AUTS2: variants seen among roughly 807,000 people sequenced by gnomAD.
AUTS2 encodes the protein activator of transcription and developmental regulator AUTS2.
AUTS2 carries 17 observed loss-of-function variants against 112.4 expected under a neutral mutation model. The observed-to-expected ratio is 0.15, with a 90% CI of 0.10 to 0.23. The LOEUF (loss-of-function observed/expected upper bound fraction) is 0.23. Ranked by LOEUF, AUTS2 falls within the 10% of genes least tolerant of loss-of-function variation. The probability of loss-of-function intolerance (pLI) is 1.00; values close to 1 mark genes in which losing one functional copy is unlikely to be tolerated. For synonymous variants in AUTS2, 751 were observed against 702.7 expected (o/e 1.07, Z -1.09); for missense variants, 1,510 against 1,701.6 (o/e 0.89, Z 1.98).
At chr7:69,948,913 C>A (rs917916682) in intron 2 of AUTS2, among the ~76,000 whole-genome samples, 3 of 152,004 alleles carry the variant, frequency 2.0e-5, no homozygotes, top group South Asian at 4.1e-4. Flanking sequence ...TCAAGTGATT[C>A]TCTTGCCTCA....
At chr7:69,837,516 G>A (rs759883462) in intron 1 of AUTS2, among the ~76,000 whole-genome samples, 9 of 152,080 alleles carry the variant, frequency 5.9e-5, no homozygotes, top group Non-Finnish European at 1.0e-4. Flanking sequence ...GTGCCCCACT[G>A]AGAGGAGTCT....
At chr7:70,515,928 T>G (rs1294194166) in intron 5 of AUTS2, among the ~76,000 whole-genome samples, 1 of 152,206 alleles carries the variant, frequency 6.6e-6, no homozygotes, top group Non-Finnish European at 1.5e-5. Flanking sequence ...GTTCAACTTA[T>G]CAGCCCTAAA....
At chr7:70,162,660 A>G (rs903037135) in intron 4 of AUTS2, among the ~76,000 whole-genome samples, 4 of 152,038 alleles carry the variant, frequency 2.6e-5, no homozygotes, top group African/African-American at 9.7e-5. Flanking sequence ...GAGATTCCCA[A>G]TCTGATTACT....
intron 4 of AUTS2, among the ~76,000 whole-genome samples, chr7:70,221,066 T>C (rs976954809): frequency 2.6e-5 from 4 of 152,108 alleles, no homozygotes; most frequent in African/African-American, 9.7e-5. Flanking sequence ...CCACCATGTT[T>C]GGCTAATTGT....
At chr7:70,306,581 A>G (rs1789504596) in intron 4 of AUTS2, among the ~76,000 whole-genome samples, 1 of 152,232 alleles carries the variant, frequency 6.6e-6, no homozygotes, top group Non-Finnish European at 1.5e-5. Context: ...ATCAGAATAG[A>G]GAAACATTTG....
intron 2 of AUTS2, among the ~76,000 whole-genome samples, chr7:70,025,867 G>A (rs887298159): frequency 3.4e-5 from 5 of 148,584 alleles, no homozygotes; most frequent in African/African-American, 1.2e-4. Flanking sequence ...GCTTATTGTT[G>A]TTCCAAGGCC....
In AUTS2 at chr7:69,770,028, A is replaced by G. The variant is rs146946362; in HGVS notation, c.310-129258A>G. On this transcript the variant is annotated intron_variant, in intron 1 of 18. Transcript: ENST00000342771. ...GAATGTGAAATTCAAGAGCATAAAC[A>G]TGGTTGTTTCCTCCCAGATGGTTGG... 2.6e-5 allele frequency among the ~76,000 whole-genome samples: 4 copies of G among 152,346 alleles called. No homozygotes were observed. The East Asian group carries it at 7.7e-4, about 29-fold the overall frequency.
At chr7:70,436,768 C>G (rs1795910400) in intron 5 of AUTS2, 1 of 152,206 alleles carries the variant, frequency 6.6e-6, no homozygotes, top group Non-Finnish European at 1.5e-5. Context: ...TTTTTCTCTC[C>G]TTCTCTGCTG....
chr7:69,762,779 A>T (rs1395707125), intron 1 of AUTS2, among the ~76,000 whole-genome samples: 2 of 152,226 alleles, frequency 1.3e-5, no homozygotes, highest in African/African-American at 4.8e-5. Context: ...TAGTAAAGCA[A>T]CAATAAGGAA....
intron 2 of AUTS2, among the ~76,000 whole-genome samples, chr7:69,919,312 C>T (rs554452999): frequency 2.0e-5 from 3 of 152,318 alleles, no homozygotes; most frequent in African/African-American, 7.2e-5. Flanking sequence ...GTTCCTCTTT[C>T]AGCAGTTATG....
chr7:70,452,968 A>G (rs1796592849), intron 5 of AUTS2, among the ~76,000 whole-genome samples: 1 of 152,090 alleles, frequency 6.6e-6, no homozygotes, highest in Non-Finnish European at 1.5e-5. Context: ...GATTTTAAGT[A>G]TCTTCTCCAG....
intron 4 of AUTS2, among the ~76,000 whole-genome samples, chr7:70,244,471 C>A (rs1812794514): frequency 6.6e-6 from 1 of 152,110 alleles, no homozygotes; most frequent in African/African-American, 2.4e-5. Context: ...TTGTAATAAG[C>A]AAAATATTTT....
intron 5 of AUTS2, among the ~76,000 whole-genome samples, chr7:70,556,833 A>T (rs1801268061): frequency 6.6e-6 from 1 of 152,084 alleles, no homozygotes; most frequent in African/African-American, 2.4e-5. Flanking sequence ...CAAGCTGCAT[A>T]CTAGTGCCTC....
chr7:69,886,870 G>T (rs1038518359), intron 1 of AUTS2, among the ~76,000 whole-genome samples: 16 of 150,732 alleles, frequency 1.1e-4, no homozygotes, highest in African/African-American at 3.7e-4. Flanking sequence ...CTCACTGCAG[G>T]CTCAGTCAGT....
At chr7:69,989,256 C>T (rs540404490) in intron 2 of AUTS2, among the ~76,000 whole-genome samples, 1 of 152,224 alleles carries the variant, frequency 6.6e-6, no homozygotes, top group African/African-American at 2.4e-5. Flanking sequence ...TTATGTGTGG[C>T]TTATTATATC....
At chr7:70,636,002 G>A (rs1805516730) in intron 5 of AUTS2, among the ~76,000 whole-genome samples, 1 of 152,236 alleles carries the variant, frequency 6.6e-6, no homozygotes, top group Admixed American at 6.5e-5. Context: ...GCTGCTCTCT[G>A]TAGGGATCAT....
At chr7:69,700,083 C>T (rs529237371) in intron 1 of AUTS2, among the ~76,000 whole-genome samples, 14 of 152,256 alleles carry the variant, frequency 9.2e-5, no homozygotes, top group Admixed American at 8.5e-4. Flanking sequence ...TTTATATTCC[C>T]ATCTGTTTAA....
intron 5 of AUTS2, among the ~76,000 whole-genome samples, chr7:70,656,207 A>C (rs1806761977): frequency 6.6e-6 from 1 of 152,164 alleles, no homozygotes; most frequent in African/African-American, 2.4e-5. Flanking sequence ...CATTTTTCTT[A>C]GTAAAATCAT....
chr7:70,444,421 G>A (rs1490387024), intron 5 of AUTS2, among the ~76,000 whole-genome samples: 1 of 150,930 alleles, frequency 6.6e-6, no homozygotes, highest in Non-Finnish European at 1.5e-5. Context: ...GACAACTCCT[G>A]GATGGCAAGA....
Sources: allele counts gnomAD v4.1 joint callset (sites outside exome capture counted in the v4.1 genomes callset), GRCh38; gene constraint gnomAD v4.1.1; transcripts MANE v1.5; gene names NCBI Gene and HGNC (gene_info 2026-07-23, HGNC 2026-07-21).